The following ERCC5 variants were observed in gnomAD, a reference collection of about 807,000 sequenced individuals.
ERCC5 encodes the protein ERCC excision repair 5, endonuclease.
In ERCC5, 68 loss-of-function variants were observed where a neutral mutation model predicts 105.6. That is an observed-to-expected ratio of 0.64 (90% confidence interval 0.53 to 0.79). The LOEUF (loss-of-function observed/expected upper bound fraction) is 0.79. Ranked by LOEUF, ERCC5 falls within the 30% of genes least tolerant of loss-of-function variation. The pLI, the probability that ERCC5 is intolerant of heterozygous loss-of-function variation, is 0.00. For synonymous variants in ERCC5, 546 were observed against 526.2 expected (o/e 1.04, Z -0.51); for missense variants, 1,373 against 1,426.7 (o/e 0.96, Z 0.61).
chr13:102,874,129 GTGATTTCTTAAT>G (rs543164543), intron 14 of ERCC5, among the ~76,000 whole-genome samples: 75 of 152,170 alleles, frequency 4.9e-4, no homozygotes, highest in South Asian at 1.2e-3. Flanking sequence ...TTAGTGTCTG[GTGATTTCTTAAT>G]TTCAGATAAA....
At chr13:102,851,501 G>T (rs1272029674) in intron 1 of ERCC5, among the ~76,000 whole-genome samples, 1 of 152,110 alleles carries the variant, frequency 6.6e-6, no homozygotes, top group African/African-American at 2.4e-5. Flanking sequence ...CACCATGTTG[G>T]CCAGGATGGT....
rs1187840792 is a variant in ERCC5 at position 102,875,990 on chromosome 13, A to T, written c.*87A>T. ...AGACGTAATAAAATTAACTGGTGGC[A>T]CGGTCTTTGTATTTAGTGTGTGGTT... On this transcript the variant is annotated 3_prime_UTR_variant, in exon 15 of 15. Transcript: ENST00000652225. The T allele has an allele frequency of 6.7e-7, 1 of 1,486,374 alleles. No individual in the cohort carries two copies. The highest frequency in any genetic ancestry group is 1.4e-5 in the African/African-American group (1 of 71,772). The allele number at this position is 1,486,374 out of a possible 1,614,324, so 92.1% of individuals were successfully genotyped here.
In ERCC5 at chr13:102,862,350, G is replaced by A. The variant is rs774528973; in HGVS notation, c.1201G>A (p.Val401Ile). The A allele has an allele frequency of 6.2e-7, 1 of 1,614,188 alleles. No homozygotes were observed. Among genetic ancestry groups the A allele is most frequent in the Non-Finnish European group, 8.5e-7 (1 of 1,180,028 alleles). ...IKRALDDDEDVKVCAGDDVQT... is the reference protein window; with the variant it reads ...IKRALDDDEDIKVCAGDDVQT... ...GAGAGCTCTTGACGATGACGAAGAT[G>A]TAAAAGTGTGTGCTGGGGATGATGT... is the stretch of plus-strand genomic sequence containing the variant. Residue 401 changes from valine (V) to isoleucine (I), a missense_variant, in exon 8 of 15, where the codon GTA becomes ATA. Physicochemically the swap from Val to Ile is conservative, Grantham distance 29 (BLOSUM62 3). This residue lies in a region of ERCC5 where 1,004 missense variants were observed against 1,059.7 expected (regional missense o/e 0.95). Coordinates refer to ENST00000652225, the MANE Select transcript of ERCC5 (RefSeq NM_000123.4).
rs745357807 is a variant in ERCC5 at position 102,866,653 on chromosome 13, A to G, written c.2341A>G (p.Ile781Val). 4.3e-6 allele frequency: 7 copies of G among 1,613,648 alleles called. No individual in the cohort carries two copies. Among genetic ancestry groups the G allele is most frequent in the African/African-American group, 1.3e-5 (1 of 74,942 alleles). ...GCAGGAACTCCTGCGCCTGTTCGGCATTCCCTACATCCAGGCTCCCATGGA... is the reference window on the plus strand; with the variant it reads ...GCAGGAACTCCTGCGCCTGTTCGGCGTTCCCTACATCCAGGCTCCCATGGA... ...ESQELLRLFGIPYIQAPMEAE... is the reference protein window; with the variant it reads ...ESQELLRLFGVPYIQAPMEAE... Residue 781 changes from isoleucine to valine, a missense_variant, in exon 11 of 15, where the codon ATT (isoleucine) becomes GTT (valine). Around this residue, in one of 3 missense-constraint regions of ERCC5, gnomAD observed 1,004 missense variants for 1,059.7 expected, o/e 0.95. Coordinates refer to ENST00000652225, the MANE Select transcript of ERCC5 (RefSeq NM_000123.4).
At position 102,855,926 on chromosome 13, in the gene ERCC5, G is replaced by C. The variant is rs940234831; in HGVS notation, c.468-126G>C. 7 of 899,716 alleles carry C rather than the reference G, an allele frequency of 7.8e-6. No individual in the cohort carries two copies. The African/African-American group carries it at 9.9e-5, about 13-fold the overall frequency. The allele number at this position is 899,716 out of a possible 1,614,324, so 55.7% of individuals were successfully genotyped here. On this transcript the variant is annotated intron_variant, in intron 4 of 14. Coordinates refer to ENST00000652225, the MANE Select transcript of ERCC5 (RefSeq NM_000123.4). ...CCCCCACCAGACCATGAGACCAGTA[G>C]TGGCACAGATCTTGCTGTTTTATTC...
chr13:102,875,344 A>C lies in ERCC5; in HGVS notation c.3002A>C (p.Gln1001Pro). ...LRIDSFFRLA[Q>P]QEKEDAKRIK... The stretch of plus-strand genomic sequence containing the variant: ...ATTGATTCCTTCTTTAGATTAGCAC[A>C]ACAGGAGAAAGAAGATGCTAAACGT... The change falls in exon 15 of 15, where the codon CAA (glutamine) becomes CCA (proline). Residue 1001 changes from glutamine (Q) to proline (P), a missense_variant. Physicochemically the swap from Gln to Pro is moderately conservative, Grantham distance 76. Around this residue, in one of 3 missense-constraint regions of ERCC5, gnomAD observed 367 missense variants for 350.2 expected, o/e 1.05. Coordinates refer to ENST00000652225, the MANE Select transcript of ERCC5 (RefSeq NM_000123.4). 1.2e-6 allele frequency: 2 copies of C among 1,614,078 alleles called. No homozygotes were observed. The highest frequency in any genetic ancestry group is 1.7e-6 in the Non-Finnish European group (2 of 1,180,032).
At chr13:102,847,904 T>C (rs1157394065) in intron 1 of ERCC5, among the ~76,000 whole-genome samples, 1 of 152,250 alleles carries the variant, frequency 6.6e-6, no homozygotes, top group Non-Finnish European at 1.5e-5. Flanking sequence ...CTTACGCCTG[T>C]CATCCCAGCA....
At position 102,865,772 on chromosome 13, in the gene ERCC5, G is replaced by A; in HGVS notation, c.2060G>A (p.Gly687Glu). The A allele has an allele frequency of 1.2e-6, 2 of 1,614,114 alleles. No homozygotes were observed. The highest frequency in any genetic ancestry group is 1.7e-6 in the Non-Finnish European group (2 of 1,179,994). ...GAACAAGGCGAAGAGGAACTGGTAG[G>A]AACTAGGGAGGGAGAAGCCCCTGCT... ...PSEQGEEELVGTREGEAPAES... is the reference protein window; with the variant it reads ...PSEQGEEELVETREGEAPAES... Residue 687 changes from glycine (G) to glutamate (E), a missense_variant, in exon 9 of 15, where the codon GGA (glycine) becomes GAA (glutamate). By Grantham distance (98) the Gly-to-Glu change is moderately conservative (BLOSUM62 -2). This residue lies in a region of ERCC5 where 1,004 missense variants were observed against 1,059.7 expected (regional missense o/e 0.95). Transcript: ENST00000652225. This position sits in a 1 kb window ranked among gnomAD's most constrained non-coding sequence, Gnocchi z 4.0.
intron 6 of ERCC5, among the ~76,000 whole-genome samples, chr13:102,860,385 G>A (rs1882576697): frequency 6.6e-6 from 1 of 152,204 alleles, no homozygotes; most frequent in Non-Finnish European, 1.5e-5. Flanking sequence ...CAAAAGTCAT[G>A]ACCTCAGCGT....
intron 14 of ERCC5, chr13:102,874,905 C>G: frequency 5.4e-6 from 1 of 186,856 alleles, no homozygotes; most frequent in South Asian, 1.1e-4. Context: ...GAACTTGCCT[C>G]TCAAAGGTAT....
In ERCC5 at chr13:102,862,907, A is replaced by G; in HGVS notation, c.1758A>G (p.Thr586=). The change falls in exon 8 of 15, where the codon ACA becomes ACG. Residue 586 remains threonine, a synonymous_variant. Coordinates refer to ENST00000652225, the MANE Select transcript of ERCC5 (RefSeq NM_000123.4). ...EVIGPVSLQE[T]SSIVSVPSEA... ...TTGGCCCTGTCAGTTTGCAAGAAACAAGTAGCATAGTAAGTGTCCCTTCAG... is the reference window on the plus strand; with the variant it reads ...TTGGCCCTGTCAGTTTGCAAGAAACGAGTAGCATAGTAAGTGTCCCTTCAG... 1 of 1,614,248 alleles carries G rather than the reference A, an allele frequency of 6.2e-7. No individual in the cohort carries two copies. Among genetic ancestry groups the G allele is most frequent in the Non-Finnish European group, 8.5e-7 (1 of 1,180,050 alleles).
At chr13:102,863,788 G>A (rs1373759541) in intron 8 of ERCC5, among the ~76,000 whole-genome samples, 7 of 152,116 alleles carry the variant, frequency 4.6e-5, no homozygotes, top group African/African-American at 1.7e-4. Flanking sequence ...GGGGACAGTA[G>A]GGGATTATGC....
At chr13:102,868,819 A>C (rs988272725) in intron 12 of ERCC5, among the ~76,000 whole-genome samples, 7 of 152,226 alleles carry the variant, frequency 4.6e-5, no homozygotes, top group African/African-American at 1.7e-4. Flanking sequence ...CAGAACCCAG[A>C]GTCGTGCTAT....
At chr13:102,872,061 A>T (rs2140538467) in intron 12 of ERCC5, 137 bp from the exon 13 acceptor site, 1 of 1,057,244 alleles carries the variant, frequency 9.5e-7, no homozygotes, top group East Asian at 2.6e-5. Context: ...TAGTACTAAA[A>T]TTAATAAAAT....
At chr13:102,847,991 T>A (rs1337350480) in intron 1 of ERCC5, among the ~76,000 whole-genome samples, 3 of 152,180 alleles carry the variant, frequency 2.0e-5, no homozygotes, top group Non-Finnish European at 4.4e-5. Flanking sequence ...TGAACCCCTG[T>A]CTACACACAG....
In ERCC5 at chr13:102,872,396, A is replaced by C. The variant is rs41281674; in HGVS notation, c.2877A>C (p.Arg959Ser). 1,012 of 1,614,174 alleles carry C rather than the reference A, an allele frequency of 6.3e-4. 4 individuals carry two copies. The African/African-American group carries it at 0.011, about 18-fold the overall frequency. ...GGAAACCTGATCTCGACAAAATTAGAGAATATCCTTTGCTTCTTAAAAGAG... is the reference window on the plus strand; with the variant it reads ...GGAAACCTGATCTCGACAAAATTAGCGAATATCCTTTGCTTCTTAAAAGAG... The part of the protein sequence containing the change: ...LWGKPDLDKI[R>S]EFCQRYFGWN... Residue 959 changes from arginine (R) to serine (S), a missense_variant and splice_region_variant, in exon 13 of 15, where the codon AGA (arginine) becomes AGC (serine). Coordinates refer to ENST00000652225, the MANE Select transcript of ERCC5 (RefSeq NM_000123.4).
rs915680498 is a variant in ERCC5 at position 102,865,828 on chromosome 13, G to C, written c.2116G>C (p.Glu706Gln). Residue 706 changes from glutamate (E) to glutamine (Q), a missense_variant, in exon 9 of 15, where the codon GAG (glutamate) becomes CAG (glutamine). Transcript: ENST00000652225. The surrounding 1 kb of genome is among the most constrained non-coding windows in gnomAD (Gnocchi z 4.0). ...ESESLLRDNS[E>Q]RDDVDGEPQE... ...CGAGAGCCTCCTGAGGGACAACTCTGAGAGGGACGACGTGGATGGTGAGCC... is the reference window on the plus strand; with the variant it reads ...CGAGAGCCTCCTGAGGGACAACTCTCAGAGGGACGACGTGGATGGTGAGCC... The C allele has an allele frequency of 3.1e-6, 5 of 1,614,094 alleles. No homozygotes were observed. In the African/African-American group the frequency reaches 5.3e-5, roughly 17 times the overall value.
intron 5 of ERCC5, among the ~76,000 whole-genome samples, chr13:102,856,561 G>T (rs1882428085): frequency 6.6e-6 from 1 of 152,218 alleles, no homozygotes; most frequent in Non-Finnish European, 1.5e-5. Context: ...ACATATGTGT[G>T]TATGTTCTAG....
In ERCC5 at chr13:102,852,167, T is replaced by C. The variant is rs1047768; in HGVS notation, c.138T>C (p.His46=). 927,804 of 1,613,696 alleles carry C rather than the reference T, an allele frequency of 0.57. 273,288 individuals carry two copies. Among genetic ancestry groups the C allele is most frequent in the African/African-American group, 0.67 (49,935 of 74,920 alleles). ...CACTTAAAGGAGTCCGGGATCGCCATGGGAACTCAATAGAAAATCCTCATC... is the reference window on the plus strand; with the variant it reads ...CACTTAAAGGAGTCCGGGATCGCCACGGGAACTCAATAGAAAATCCTCATC... ...NQALKGVRDR[H]GNSIENPHLL... Residue 46 remains histidine, a synonymous_variant, in exon 2 of 15, where the codon CAT becomes CAC. Transcript: ENST00000652225.
Sources: gnomAD v4.1 joint callset for allele counts (sites outside exome capture counted in the v4.1 genomes callset) on GRCh38, gnomAD v4.1.1 for gene constraint, gnomAD v4.1.1 regional missense constraint, Gnocchi (gnomAD v3.1) non-coding constraint, MANE v1.5 for transcripts, NCBI Gene and HGNC (gene_info 2026-07-23, HGNC 2026-07-21) for gene names.